The following NDST4 variants were observed in gnomAD, a reference collection of about 807,000 sequenced individuals.
NDST4 encodes the protein N-deacetylase and N-sulfotransferase 4, also known as N-heparan sulfate sulfotransferase 4.
NDST4 carries 63 observed loss-of-function variants against 100.8 expected under a neutral mutation model. That is an observed-to-expected ratio of 0.62 (90% CI 0.51 to 0.77). The LOEUF (loss-of-function observed/expected upper bound fraction) is 0.77. Among genes scored for constraint, NDST4 ranks in the 30% least tolerant of loss-of-function variants. The probability of loss-of-function intolerance (pLI) is 0.00; values close to 1 mark genes in which losing one functional copy is unlikely to be tolerated. For missense variants in NDST4, 943 were observed against 1,018.4 expected (o/e 0.93, Z 1.01); for synonymous variants, 377 against 361.8 (o/e 1.04, Z -0.48).
chr4:115,045,256 G>GA (rs558763294), intron 2 of NDST4, among the ~76,000 whole-genome samples: 49 of 152,146 alleles, frequency 3.2e-4, no homozygotes, highest in African/African-American at 1.0e-3. Flanking sequence ...CCTTAGGCAT[G>GA]AAAAAATATA....
chr4:114,986,830 A>ATTTATTTATTTATT (rs1221108713), intron 2 of NDST4, among the ~76,000 whole-genome samples: 4 of 91,966 alleles, frequency 4.3e-5, no homozygotes, highest in African/African-American at 1.3e-4. Flanking sequence ...ATATATATAT[A>ATTTATTTATTTATT]TATTTTAATA....
chr4:115,050,989 T>C (rs1439921222), intron 2 of NDST4, among the ~76,000 whole-genome samples: 2 of 152,076 alleles, frequency 1.3e-5, no homozygotes, highest in Admixed American at 6.6e-5. Context: ...CTGAATTTTA[T>C]TTAGATTGTA....
chr4:114,844,802 T>C (rs1166746796), intron 10 of NDST4, among the ~76,000 whole-genome samples: 1 of 152,238 alleles, frequency 6.6e-6, no homozygotes, highest in Non-Finnish European at 1.5e-5. Context: ...ATTATTTTTG[T>C]AGATAGTGCT....
intron 2 of NDST4, among the ~76,000 whole-genome samples, chr4:115,040,635 C>CA (rs1174536550): frequency 6.6e-6 from 1 of 151,974 alleles, no homozygotes; most frequent in Non-Finnish European, 1.5e-5. Flanking sequence ...AGCATCCCTA[C>CA]AGCACAGCTC....
chr4:114,874,941 A>C (rs1724226919), intron 6 of NDST4, among the ~76,000 whole-genome samples: 1 of 152,194 alleles, frequency 6.6e-6, no homozygotes, highest in South Asian at 2.1e-4. Flanking sequence ...ATCTGGGGAA[A>C]GTATGACAGT....
intron 7 of NDST4, among the ~76,000 whole-genome samples, chr4:114,858,914 T>A (rs1303173649): frequency 6.6e-6 from 1 of 152,158 alleles, no homozygotes; most frequent in Non-Finnish European, 1.5e-5. Flanking sequence ...GACATGGAAA[T>A]GAGTTACCAT....
intron 2 of NDST4, among the ~76,000 whole-genome samples, chr4:115,033,698 G>A (rs181410871): frequency 6.6e-6 from 1 of 152,100 alleles, no homozygotes; most frequent in Admixed American, 6.6e-5. Context: ...GGTATAGAAA[G>A]ACTGCACAAT....
chr4:115,101,437 C>G (rs1436723513), intron 1 of NDST4, among the ~76,000 whole-genome samples: 1 of 151,862 alleles, frequency 6.6e-6, no homozygotes, highest in East Asian at 1.9e-4. Context: ...AGTAAGAACA[C>G]TAAGGAACAG....
chr4:114,979,742 C>A (rs1037862927), intron 2 of NDST4, among the ~76,000 whole-genome samples: 2 of 151,288 alleles, frequency 1.3e-5, no homozygotes, highest in Non-Finnish European at 2.9e-5. Flanking sequence ...CTTAACAGAC[C>A]TTTTCATTGT....
At position 114,939,717 on chromosome 4, in the gene NDST4, G is replaced by A. The variant is rs530744183; in HGVS notation, c.1222-2214C>T. On this transcript the variant is annotated intron_variant, in intron 4 of 13. Transcript: ENST00000264363. ...AAAGGTAAAAAGCAATTGATTCGGT[G>A]AGTAGGAAGGAAGGGCAGTAAAAAA... 7.9e-5 allele frequency among the ~76,000 whole-genome samples: 12 copies of A among 151,762 alleles called. No individual in the cohort carries two copies. The South Asian group carries it at 2.3e-3, about 29-fold the overall frequency.
chr4:114,901,508 T>A (rs986275971), intron 6 of NDST4, among the ~76,000 whole-genome samples: 16 of 152,068 alleles, frequency 1.1e-4, no homozygotes, highest in African/African-American at 3.9e-4. Flanking sequence ...TTATTTTTAA[T>A]CTATATGCGT....
chr4:114,941,629 G>GT (rs756138347), intron 4 of NDST4, among the ~76,000 whole-genome samples: 6 of 152,166 alleles, frequency 3.9e-5, no homozygotes, highest in African/African-American at 7.2e-5. Context: ...AAATAAGCAA[G>GT]TTTTTTTCTA....
intron 2 of NDST4, among the ~76,000 whole-genome samples, chr4:115,071,276 TCACACACACA>T (rs70964340): frequency 0.041 from 5,734 of 138,238 alleles, 271 homozygotes; most frequent in African/African-American, 0.12. Context: ...AAGTATGCCT[TCACACACACA>T]CACACACACA....
chr4:114,865,912 G>A (rs1165789337), intron 7 of NDST4, among the ~76,000 whole-genome samples: 3 of 152,174 alleles, frequency 2.0e-5, no homozygotes, highest in Admixed American at 2.0e-4. Context: ...TTTGGTGGAG[G>A]AGATATTCCT....
chr4:115,071,319 CATT>C (rs1344276814), intron 2 of NDST4, among the ~76,000 whole-genome samples: 3 of 126,994 alleles, frequency 2.4e-5, no homozygotes, highest in African/African-American at 6.1e-5. Flanking sequence ...CACACACACA[CATT>C]GATAGAGGGA....
intron 2 of NDST4, among the ~76,000 whole-genome samples, chr4:115,024,626 G>T (rs1727940818): frequency 6.6e-6 from 1 of 152,082 alleles, no homozygotes; most frequent in Admixed American, 6.6e-5. Context: ...AATGAATCAT[G>T]CCTTGAGTCT....
At chr4:114,885,585 C>G (rs1353375706) in intron 6 of NDST4, among the ~76,000 whole-genome samples, 1 of 151,914 alleles carries the variant, frequency 6.6e-6, no homozygotes, top group Non-Finnish European at 1.5e-5. Context: ...ATTTGGTATC[C>G]TTATAGATTT....
intron 2 of NDST4, among the ~76,000 whole-genome samples, chr4:115,036,603 G>T (rs1373810596): frequency 6.6e-6 from 1 of 151,686 alleles, no homozygotes; most frequent in Admixed American, 6.6e-5. Flanking sequence ...TAATAAATTT[G>T]CCAAGGTCAT....
intron 4 of NDST4, 129 bp from the exon 5 acceptor site, chr4:114,937,632 G>A: frequency 1.4e-6 from 1 of 731,430 alleles, no homozygotes; most frequent in Non-Finnish European, 2.1e-6. Flanking sequence ...ATCCAGCAAG[G>A]TAGAGGTTTT....
Sources: allele counts gnomAD v4.1 joint callset (sites outside exome capture counted in the v4.1 genomes callset), GRCh38; gene constraint gnomAD v4.1.1; transcripts MANE v1.5; gene names NCBI Gene and HGNC (gene_info 2026-07-23, HGNC 2026-07-21).